Variants in UBE2W observed in about 807,000 individuals in gnomAD.
UBE2W encodes ubiquitin conjugating enzyme E2 W.
Under a neutral mutation model 27.2 loss-of-function variants are expected in UBE2W, and 18 were observed. That is an observed-to-expected ratio of 0.66 (90% CI 0.46 to 0.98). The LOEUF (loss-of-function observed/expected upper bound fraction) is 0.98, where lower values mean the gene tolerates loss of function less well. UBE2W is among the 50% of genes least tolerant of loss of function. UBE2W has a pLI of 0.00. For missense variants in UBE2W, 90 were observed against 180.2 expected, an observed-to-expected ratio of 0.50 and a Z score of 2.87; for synonymous variants, 53 against 57.2, an observed-to-expected ratio of 0.93 and a Z score of 0.33.
intron 5 of UBE2W, among the ~76,000 whole-genome samples, chr8:73,803,612 C>T (rs1808738018): frequency 6.6e-6 from 1 of 152,126 alleles, no homozygotes; most frequent in Admixed American, 6.6e-5. Context: ...ATCGAACCTA[C>T]AGTTTGTAAA....
chr8:73,822,465 C>T (rs1031380270), intron 3 of UBE2W, among the ~76,000 whole-genome samples: 5 of 152,006 alleles, frequency 3.3e-5, no homozygotes, highest in Non-Finnish European at 7.4e-5. Flanking sequence ...AGCCAATCAT[C>T]TGTTGCCTGA....
At chr8:73,832,831 A>G (rs2130912625) in intron 1 of UBE2W, among the ~76,000 whole-genome samples, 1 of 152,290 alleles carries the variant, frequency 6.6e-6, no homozygotes, top group Non-Finnish European at 1.5e-5. Context: ...GTAAGGTCTT[A>G]ACAGCTTGAG....
chr8:73,824,439 T>C (rs777450939), intron 3 of UBE2W, among the ~76,000 whole-genome samples: 8 of 152,218 alleles, frequency 5.3e-5, no homozygotes, highest in Admixed American at 1.3e-4. Context: ...TGCAAAATCA[T>C]AGTACTCCTT....
At chr8:73,868,913 A>T (rs1811886879) in intron 1 of UBE2W, among the ~76,000 whole-genome samples, 1 of 152,228 alleles carries the variant, frequency 6.6e-6, no homozygotes, top group African/African-American at 2.4e-5. Context: ...AAGCCTACAT[A>T]AAAACTTGTA....
chr8:73,830,207 C>A (rs1291143552), intron 2 of UBE2W, among the ~76,000 whole-genome samples, 174 bp downstream of exon 2: 1 of 151,906 alleles, frequency 6.6e-6, no homozygotes, highest in African/African-American at 2.4e-5. Context: ...GTTTATAATG[C>A]CGTAAAACAA....
At chr8:73,825,980 G>A (rs1018687776) in intron 2 of UBE2W, among the ~76,000 whole-genome samples, 1 of 152,108 alleles carries the variant, frequency 6.6e-6, no homozygotes, top group Non-Finnish European at 1.5e-5. Context: ...GGAAGCCATG[G>A]AGAAATACGT....
intron 1 of UBE2W, among the ~76,000 whole-genome samples, chr8:73,868,814 AAC>A (rs1370035375): frequency 2.6e-5 from 4 of 152,216 alleles, no homozygotes; most frequent in African/African-American, 7.2e-5. Context: ...AGAAAGTTAA[AAC>A]ACAGAGTTAC....
chr8:73,805,402 A>G (rs56205406), intron 5 of UBE2W, among the ~76,000 whole-genome samples: 33,550 of 137,802 alleles, frequency 0.24, 6,938 homozygotes, highest in African/African-American at 0.57. Context: ...GTGGTGAGCC[A>G]AGAATAACAC....
chr8:73,806,358 T>G (rs938959567), intron 4 of UBE2W, among the ~76,000 whole-genome samples: 1 of 151,796 alleles, frequency 6.6e-6, no homozygotes, highest in Non-Finnish European at 1.5e-5. Flanking sequence ...GCCACTGCAC[T>G]CCAGCTTGGG....
chr8:73,825,116 CAA>C, intron 3 of UBE2W, 29 bp downstream of exon 3: 10 of 1,115,190 alleles, frequency 9.0e-6, no homozygotes, highest in South Asian at 3.5e-5. Flanking sequence ...TCTAAAAATA[CAA>C]AAAAAAAAAT....
At chr8:73,844,920 G>A (rs1425178556) in intron 1 of UBE2W, among the ~76,000 whole-genome samples, 5 of 144,266 alleles carry the variant, frequency 3.5e-5, no homozygotes, top group South Asian at 2.3e-4. Context: ...GCAGCCGCCC[G>A]GTCTGGGAAG....
In UBE2W at chr8:73,787,533, T is replaced by C. The variant is rs942248313; in HGVS notation, c.*6569A>G. 9 of 985,282 alleles carry C rather than the reference T, an allele frequency of 9.1e-6. No individual in the cohort carries two copies. Among genetic ancestry groups the C allele is most frequent in the Non-Finnish European group, 9.6e-6 (8 of 829,936 alleles). 61.0% of individuals were successfully genotyped at this position (985,282 alleles called of 1,614,324 possible). A position where few individuals can be genotyped will look rare whatever the true frequency, so the allele number is the denominator to read the frequency against. ...CAGGAACAGCTTGAGACATGATCGT[T>C]TTTATGGCAGAATGGCTGCCTCAAT... On this transcript the variant is annotated 3_prime_UTR_variant, in exon 6 of 6. Transcript: ENST00000602593.
At chr8:73,851,941 C>G (rs1323132472) in intron 1 of UBE2W, among the ~76,000 whole-genome samples, 1 of 140,134 alleles carries the variant, frequency 7.1e-6, no homozygotes, top group Non-Finnish European at 1.5e-5. Context: ...CAGTAAGACC[C>G]AGTCTCTCTT....
chr8:73,825,076 A>G, intron 3 of UBE2W, 71 bp downstream of exon 3: 3 of 905,996 alleles, frequency 3.3e-6, no homozygotes, highest in Non-Finnish European at 5.1e-6. Flanking sequence ...ATATGTTTTT[A>G]CTGAGTCAAA....
intron 1 of UBE2W, among the ~76,000 whole-genome samples, chr8:73,877,227 C>T (rs1043897426): frequency 6.6e-6 from 1 of 152,124 alleles, no homozygotes; most frequent in Non-Finnish European, 1.5e-5. Flanking sequence ...GGTAATGTAG[C>T]CTATTGCATC....
rs1393062089 is a variant in UBE2W at position 73,810,624 on chromosome 8, C to T, written c.216G>A (p.Met72Ile). The change falls in exon 4 of 6, where the codon ATG (methionine) becomes ATA (isoleucine). Residue 72 changes from methionine (M) to isoleucine (I), a missense_variant. Met to Ile is a conservative substitution (Grantham distance 10). Coordinates refer to ENST00000602593, the MANE Select transcript of UBE2W (RefSeq NM_018299.6). ...SRYPFDSPQV[M>I]FTGENIPVHP... is the part of the protein sequence containing the mutation. ...GAACAGGAATATTTTCACCAGTAAA[C>T]ATGACCTAAGAGAGAATAAAATTCC... 2 of 1,598,942 alleles carry T rather than the reference C, an allele frequency of 1.3e-6. No homozygotes were observed. The highest frequency in any genetic ancestry group is 1.1e-5 in the South Asian group (1 of 88,526).
chr8:73,838,110 A>G (rs1810381985), intron 1 of UBE2W, among the ~76,000 whole-genome samples: 1 of 152,208 alleles, frequency 6.6e-6, no homozygotes, highest in South Asian at 2.1e-4. Context: ...AAATTCAGTA[A>G]GAAGGATTCT....
At chr8:73,855,253 G>A (rs186827676) in intron 1 of UBE2W, among the ~76,000 whole-genome samples, 3 of 152,280 alleles carry the variant, frequency 2.0e-5, no homozygotes, top group Admixed American at 6.5e-5. Context: ...ATTTAAATGC[G>A]AGACAAACTG....
chr8:73,878,677 G>A, intron 1 of UBE2W, 131 bp downstream of exon 1: 1 of 796,066 alleles, frequency 1.3e-6, no homozygotes, highest in Non-Finnish European at 2.1e-6. Context: ...CTGAGCTGAG[G>A]GAAAACAGGC....
Sources: allele counts gnomAD v4.1 joint callset (sites outside exome capture counted in the v4.1 genomes callset), GRCh38; gene constraint gnomAD v4.1.1; transcripts MANE v1.5; gene names NCBI Gene and HGNC (gene_info 2026-07-23, HGNC 2026-07-21).